The following OPRL1 variants were observed in gnomAD, a reference collection of about 807,000 sequenced individuals.
OPRL1 encodes opioid related nociceptin receptor 1.
In OPRL1, 5 loss-of-function variants were observed where a neutral mutation model predicts 15.5. The ratio of observed to expected loss-of-function variants is 0.32; its 90% CI spans 0.17 to 0.68. The LOEUF is 0.68. Among genes scored for constraint, OPRL1 ranks in the 30% least tolerant of loss-of-function variants. The probability of loss-of-function intolerance (pLI) is 0.72; values close to 1 mark genes in which losing one functional copy is unlikely to be tolerated. For synonymous variants in OPRL1, 223 were observed against 230.2 expected (o/e 0.97, Z 0.28); for missense variants, 406 against 515.3 (o/e 0.79, Z 2.05).
chr20:64,083,786 G>T lies in OPRL1; in HGVS notation c.-185+3434G>T, dbSNP rs1461816955. 23 of 1,331,914 alleles carry T rather than the reference G, an allele frequency of 1.7e-5. No homozygotes were observed. The highest frequency in any genetic ancestry group is 2.2e-5 in the Non-Finnish European group (23 of 1,046,762). The allele number at this position is 1,331,914 out of a possible 1,614,324, so 82.5% of individuals were successfully genotyped here. A position where few individuals can be genotyped will look rare whatever the true frequency, so the allele number is the denominator to read the frequency against. ...CGGCTCCGCTCAACGCTCCCGGTGC[G>T]CCCCCTCTGCCCTCCGACCCCCTCG... is the stretch of plus-strand genomic sequence containing the variant. On this transcript the variant is annotated intron_variant, in intron 1 of 4. Coordinates refer to ENST00000336866, the MANE Select transcript of OPRL1 (RefSeq NM_182647.4). This position sits in a 1 kb window ranked among gnomAD's most constrained non-coding sequence, Gnocchi z 4.9.
In OPRL1 at chr20:64,098,593, T is replaced by C. The variant is rs1387775343; in HGVS notation, c.907T>C (p.Phe303Leu). ...CGAGACTGCCGTGGCCATTCTGCGCTTCTGCACGGCCCTGGGCTACGTCAA... is the reference window on the plus strand; with the variant it reads ...CGAGACTGCCGTGGCCATTCTGCGCCTCTGCACGGCCCTGGGCTACGTCAA... ...SSETAVAILR[F>L]CTALGYVNSC... The change falls in exon 5 of 5, where the codon TTC (phenylalanine) becomes CTC (leucine). Residue 303 changes from phenylalanine (F) to leucine (L), a missense_variant. Phe to Leu is a conservative substitution (Grantham distance 22). Transcript: ENST00000336866. The C allele has an allele frequency of 6.2e-7, 1 of 1,612,752 alleles. No homozygotes were observed. The highest frequency in any genetic ancestry group is 1.7e-5 in the Admixed American group (1 of 60,008).
chr20:64,090,498 G>A lies in OPRL1; in HGVS notation c.-184-1468G>A, dbSNP rs1206579590. Among the ~76,000 whole-genome samples the A allele has an allele frequency of 6.6e-6, 1 of 152,220 alleles. No homozygotes were observed. Among genetic ancestry groups the A allele is most frequent in the East Asian group, 1.9e-4 (1 of 5,194 alleles). ...CTCATGGAGAAGGTGCTCGGAGCAG[G>A]GTCTGAGCTGTGTGGGGAGAGGTCT... On this transcript the variant is annotated intron_variant, in intron 1 of 4. Transcript: ENST00000336866. This position sits in a 1 kb window ranked among gnomAD's most constrained non-coding sequence, Gnocchi z 4.9.
At chr20:64,084,282 C>G in intron 1 of OPRL1, 7 of 1,313,086 alleles carry the variant, frequency 5.3e-6, no homozygotes, top group Non-Finnish European at 6.8e-6. Context: ...CGGGCCCTGC[C>G]CGCCCCTCGG....
chr20:64,096,752 T>C (rs1427181101), intron 3 of OPRL1, among the ~76,000 whole-genome samples: 1 of 150,494 alleles, frequency 6.6e-6, no homozygotes, highest in East Asian at 2.0e-4. Flanking sequence ...ATCACCACTA[T>C]CACCACCACC....
intron 3 of OPRL1, among the ~76,000 whole-genome samples, chr20:64,095,469 A>G (rs1340942833): frequency 1.3e-5 from 2 of 151,350 alleles, no homozygotes; most frequent in Non-Finnish European, 2.9e-5. Context: ...AGATGACTTA[A>G]GCAGAAAGGG....
At chr20:64,091,595 C>T (rs1241203149) in intron 1 of OPRL1, among the ~76,000 whole-genome samples, 1 of 152,064 alleles carries the variant, frequency 6.6e-6, no homozygotes, top group Admixed American at 6.6e-5. Context: ...GGGGGCATTT[C>T]GGTGTGCCGG....
chr20:64,083,250 C>G lies in OPRL1; in HGVS notation c.-185+2898C>G. 1.2e-6 allele frequency: 1 copy of G among 815,156 alleles called. No individual in the cohort carries two copies. 50.5% of individuals were successfully genotyped at this position (815,156 alleles called of 1,614,324 possible). A position where few individuals can be genotyped will look rare whatever the true frequency, so the allele number is the denominator to read the frequency against. On this transcript the variant is annotated intron_variant, in intron 1 of 4. Transcript: ENST00000336866. The surrounding 1 kb of genome is among the most constrained non-coding windows in gnomAD (Gnocchi z 4.9). Reference sequence around the variant, plus strand: ...TTCACACCCACCCACTTGCGTCTCCCCACTTTTTTGGGAGAGGCCCCACTC... The same window carrying G: ...TTCACACCCACCCACTTGCGTCTCCGCACTTTTTTGGGAGAGGCCCCACTC...
rs2145594241 is a variant in OPRL1, at chr20:64,090,602, A to G, written c.-184-1364A>G. On this transcript the variant is annotated intron_variant, in intron 1 of 4. Coordinates refer to ENST00000336866, the MANE Select transcript of OPRL1 (RefSeq NM_182647.4). The surrounding 1 kb of genome is among the most constrained non-coding windows in gnomAD (Gnocchi z 4.9). Reference sequence around the variant, plus strand: ...TGGTGATTCAGCTCAGGGGTCACCCACACAGCCTTGACCTGTGACCTTTCA... The same window carrying G: ...TGGTGATTCAGCTCAGGGGTCACCCGCACAGCCTTGACCTGTGACCTTTCA... 6.6e-6 allele frequency among the ~76,000 whole-genome samples: 1 copy of G among 152,320 alleles called. No homozygotes were observed. The highest frequency in any genetic ancestry group is 1.5e-5 in the Non-Finnish European group (1 of 68,004).
intron 1 of OPRL1, chr20:64,084,429 G>T: frequency 8.0e-7 from 1 of 1,242,646 alleles, no homozygotes; most frequent in South Asian, 2.8e-5. Flanking sequence ...CTCTGCCATC[G>T]GCTGATCCTG....
In OPRL1 at chr20:64,098,591, G is replaced by T. The variant is rs937030973; in HGVS notation, c.905G>T (p.Arg302Leu). 6.2e-7 allele frequency: 1 copy of T among 1,612,828 alleles called. No homozygotes were observed. Among genetic ancestry groups the T allele is most frequent in the South Asian group, 1.1e-5 (1 of 91,086 alleles). ...AGCGAGACTGCCGTGGCCATTCTGC[G>T]CTTCTGCACGGCCCTGGGCTACGTC... Reference protein sequence around the residue: ...PSSETAVAILRFCTALGYVNS... With the variant: ...PSSETAVAILLFCTALGYVNS... Residue 302 changes from arginine to leucine, a missense_variant, in exon 5 of 5, where the codon CGC becomes CTC. Arg to Leu is a moderately radical substitution (Grantham distance 102). Transcript: ENST00000336866.
In OPRL1 at chr20:64,089,455, G is replaced by T. The variant is rs1258590871; in HGVS notation, c.-184-2511G>T. Among the ~76,000 whole-genome samples the T allele has an allele frequency of 1.3e-5, 2 of 151,944 alleles. No homozygotes were observed. Among genetic ancestry groups the T allele is most frequent in the African/African-American group, 4.8e-5 (2 of 41,346 alleles). ...GGGTCAGGGAGCTAGGTCTGACCTC[G>T]TCCCCCCTCCTTTCTTCCTGTCCTC... On this transcript the variant is annotated intron_variant, in intron 1 of 4. Coordinates refer to ENST00000336866, the MANE Select transcript of OPRL1 (RefSeq NM_182647.4). The surrounding 1 kb of genome is among the most constrained non-coding windows in gnomAD (Gnocchi z 5.5).
Position 64,083,656 on chromosome 20 carries a change from G to T in OPRL1, c.-185+3304G>T, listed in dbSNP as rs544653342. The T allele has an allele frequency of 1.7e-5, 25 of 1,440,186 alleles. No individual in the cohort carries two copies. The Admixed American group carries it at 7.1e-4, about 41-fold the overall frequency. 89.2% of individuals were successfully genotyped at this position (1,440,186 alleles called of 1,614,324 possible). A position where few individuals can be genotyped will look rare whatever the true frequency, so the allele number is the denominator to read the frequency against. On this transcript the variant is annotated intron_variant, in intron 1 of 4. Coordinates refer to ENST00000336866, the MANE Select transcript of OPRL1 (RefSeq NM_182647.4). This position sits in a 1 kb window ranked among gnomAD's most constrained non-coding sequence, Gnocchi z 4.9. ...CGGCAGGAACAGCTCCAGCCGGATG[G>T]CGGCGCGCGCGGACTTCTGCCGCTG...
At chr20:64,096,099 C>T (rs968152091) in intron 3 of OPRL1, among the ~76,000 whole-genome samples, 12 of 152,238 alleles carry the variant, frequency 7.9e-5, no homozygotes, top group African/African-American at 2.2e-4. Context: ...CTGAGGAGTG[C>T]GGCAGCCTGG....
rs2060006936 is a variant in OPRL1 at position 64,083,971 on chromosome 20, C to T, written c.-185+3619C>T. On this transcript the variant is annotated intron_variant, in intron 1 of 4. Transcript: ENST00000336866. This position sits in a 1 kb window ranked among gnomAD's most constrained non-coding sequence, Gnocchi z 4.9. ...CGGGCATGCGGTACCCCGGTTCCAC[C>T]GACCCGCACGGGAAGGTGGAGGCCG... 1.4e-6 allele frequency: 2 copies of T among 1,467,598 alleles called. No individual in the cohort carries two copies. Among genetic ancestry groups the T allele is most frequent in the African/African-American group, 1.5e-5 (1 of 67,934 alleles). The allele number at this position is 1,467,598 out of a possible 1,614,324, so 90.9% of individuals were successfully genotyped here.
At position 64,090,464 on chromosome 20, in the gene OPRL1, A is replaced by T. The variant is rs1168735391; in HGVS notation, c.-184-1502A>T. 6.6e-6 allele frequency among the ~76,000 whole-genome samples: 1 copy of T among 152,198 alleles called. No homozygotes were observed. Among genetic ancestry groups the T allele is most frequent in the Admixed American group, 6.5e-5 (1 of 15,278 alleles). On this transcript the variant is annotated intron_variant, in intron 1 of 4. Transcript: ENST00000336866. This position sits in a 1 kb window ranked among gnomAD's most constrained non-coding sequence, Gnocchi z 4.9. ...CGCTGCTGCCAGTTGCCTAGCAACC[A>T]GGTCCCCACTCATGGAGAAGGTGCT...
At position 64,099,016 on chromosome 20, in the gene OPRL1, T is replaced by A; in HGVS notation, c.*217T>A. 1 of 650,788 alleles carries A rather than the reference T, an allele frequency of 1.5e-6. No homozygotes were observed. Among genetic ancestry groups the A allele is most frequent in the East Asian group, 2.8e-5 (1 of 35,744 alleles). 40.3% of individuals were successfully genotyped at this position (650,788 alleles called of 1,614,324 possible). A position where few individuals can be genotyped will look rare whatever the true frequency, so the allele number is the denominator to read the frequency against. On this transcript the variant is annotated 3_prime_UTR_variant, in exon 5 of 5. Transcript: ENST00000336866. The stretch of plus-strand genomic sequence containing the variant: ...GGTCAAAGCATTAGGGCCACCTCCA[T>A]GGCCCCAGACAGACTAAAGCTGCCC...
At position 64,097,798 on chromosome 20, in the gene OPRL1, G is replaced by C. The variant is rs200634213; in HGVS notation, c.234-4G>C. On this transcript the variant is annotated splice_region_variant and splice_polypyrimidine_tract_variant and intron_variant, in intron 3 of 4. Transcript: ENST00000336866. The surrounding 1 kb of genome is among the most constrained non-coding windows in gnomAD (Gnocchi z 4.2). ...GAAGCCTTTCTTCTCCCTCTACTCC[G>C]CAGGCACACCAAAATGAAGACAGCC... The C allele has an allele frequency of 6.2e-7, 1 of 1,610,012 alleles. No individual in the cohort carries two copies. Among genetic ancestry groups the C allele is most frequent in the African/African-American group, 1.3e-5 (1 of 74,866 alleles).
At chr20:64,088,960 G>T (rs371804712) in intron 1 of OPRL1, among the ~76,000 whole-genome samples, 2 of 79,274 alleles carry the variant, frequency 2.5e-5, no homozygotes, top group African/African-American at 8.8e-5. Context: ...AGTGGCCAGG[G>T]TCTTTGCAAG....
At chr20:64,092,242 T>G (rs1382552707) in intron 2 of OPRL1, 126 bp downstream of exon 2, 1 of 162,418 alleles carries the variant, frequency 6.2e-6, no homozygotes, top group Non-Finnish European at 1.3e-5. Context: ...CAGTCTCTTT[T>G]GTGCCTGCGT....
Sources: allele counts gnomAD v4.1 joint callset (sites outside exome capture counted in the v4.1 genomes callset), GRCh38; gene constraint gnomAD v4.1.1; non-coding constraint Gnocchi (gnomAD v3.1); transcripts MANE v1.5; gene names NCBI Gene and HGNC (gene_info 2026-07-23, HGNC 2026-07-21).